Variants in ARHGAP15 observed in about 807,000 individuals in gnomAD.
The protein encoded by ARHGAP15 is rho GTPase-activating protein 15.
In ARHGAP15, 51 loss-of-function variants were observed where a neutral mutation model predicts 63.7. That is an observed-to-expected ratio of 0.80 (90% CI 0.64 to 1.01). The LOEUF (loss-of-function observed/expected upper bound fraction) is 1.01. ARHGAP15 is among the 50% of genes least tolerant of loss of function. ARHGAP15 has a pLI of 0.00. For synonymous variants in ARHGAP15, 191 were observed against 193.8 expected (o/e 0.99, Z 0.12); for missense variants, 560 against 564.6 (o/e 0.99, Z 0.08).
intron 1 of ARHGAP15, among the ~76,000 whole-genome samples, chr2:143,141,106 G>A (rs1387242029): frequency 6.6e-6 from 1 of 152,114 alleles, no homozygotes; most frequent in Non-Finnish European, 1.5e-5. Flanking sequence ...TGACCATGAT[G>A]AGCTGTATGG....
chr2:143,235,861 T>G, intron 5 of ARHGAP15: 6 of 1,436,044 alleles, frequency 4.2e-6, no homozygotes, highest in Non-Finnish European at 5.5e-6. Context: ...CTTTCCTATT[T>G]TAGTATCAGT....
intron 2 of ARHGAP15, among the ~76,000 whole-genome samples, chr2:143,188,978 G>A (rs1302093287): frequency 4.0e-5 from 6 of 150,520 alleles, no homozygotes; most frequent in Non-Finnish European, 8.9e-5. Flanking sequence ...CCTTCATTTT[G>A]CCTAAACACT....
intron 12 of ARHGAP15, among the ~76,000 whole-genome samples, chr2:143,628,011 A>G (rs1698905099): frequency 6.6e-6 from 1 of 151,664 alleles, no homozygotes; most frequent in Non-Finnish European, 1.5e-5. Context: ...CCCAGTGTCT[A>G]TTGTTGCCAT....
At chr2:143,582,598 A>G (rs1445903143) in intron 11 of ARHGAP15, among the ~76,000 whole-genome samples, 2 of 152,200 alleles carry the variant, frequency 1.3e-5, no homozygotes, top group Non-Finnish European at 2.9e-5. Context: ...CCGATGAGTG[A>G]GCCAAAGTGA....
At chr2:143,502,508 A>T (rs1035510022) in intron 9 of ARHGAP15, among the ~76,000 whole-genome samples, 11 of 152,226 alleles carry the variant, frequency 7.2e-5, no homozygotes, top group African/African-American at 2.4e-4. Context: ...TGTTCCTATA[A>T]TCAGTTATTA....
chr2:143,231,664 A>G (rs1294236554), intron 5 of ARHGAP15, among the ~76,000 whole-genome samples: 1 of 152,194 alleles, frequency 6.6e-6, no homozygotes, highest in Admixed American at 6.5e-5. Flanking sequence ...CTTCCAGTTC[A>G]TATCTGTCTT....
chr2:143,185,824 T>C (rs1469306304), intron 2 of ARHGAP15, among the ~76,000 whole-genome samples: 28 of 152,180 alleles, frequency 1.8e-4, no homozygotes, highest in Admixed American at 1.8e-3. Flanking sequence ...ATTTAAAAAT[T>C]TTCTAACCCC....
chr2:143,399,555 G>A (rs1277976157), intron 6 of ARHGAP15, among the ~76,000 whole-genome samples: 1 of 152,016 alleles, frequency 6.6e-6, no homozygotes, highest in Non-Finnish European at 1.5e-5. Context: ...GCCTTGTAAT[G>A]TATTTGTGGA....
In ARHGAP15 at chr2:143,742,861, G is replaced by A. The variant is rs377340867; in HGVS notation, c.1245-25128G>A. On this transcript the variant is annotated intron_variant, in intron 13 of 13. Transcript: ENST00000295095. Reference sequence around the variant, plus strand: ...ACAGAGCGAGTTCTCACACAGCAAAGCCATAACCACGACTGCTCATATTCT... The same window carrying A: ...ACAGAGCGAGTTCTCACACAGCAAAACCATAACCACGACTGCTCATATTCT... 4.6e-5 allele frequency among the ~76,000 whole-genome samples: 7 copies of A among 152,320 alleles called. No individual in the cohort carries two copies. The East Asian group carries it at 9.7e-4, about 21-fold the overall frequency.
chr2:143,540,665 G>T (rs543131464), intron 10 of ARHGAP15, among the ~76,000 whole-genome samples: 1 of 152,082 alleles, frequency 6.6e-6, no homozygotes, highest in Non-Finnish European at 1.5e-5. Flanking sequence ...TGAAATTCTG[G>T]GTTGAAAATT....
intron 12 of ARHGAP15, among the ~76,000 whole-genome samples, chr2:143,663,828 CATAATGGTAAA>C (rs1394328347): frequency 3.9e-5 from 6 of 152,126 alleles, no homozygotes; most frequent in African/African-American, 1.4e-4. Context: ...AAGGCCATTA[CATAATGGTAAA>C]GGGATCAATT....
At chr2:143,550,675 T>A (rs1012260483) in intron 10 of ARHGAP15, among the ~76,000 whole-genome samples, 7 of 152,190 alleles carry the variant, frequency 4.6e-5, no homozygotes, top group African/African-American at 1.7e-4. Context: ...CAGCACTTAA[T>A]CTGAGGAAAT....
chr2:143,164,876 C>T (rs530261291), intron 2 of ARHGAP15, among the ~76,000 whole-genome samples: 44 of 151,800 alleles, frequency 2.9e-4, no homozygotes, highest in African/African-American at 9.4e-4. Context: ...CTGACACAGA[C>T]GTGTTATCAG....
At chr2:143,397,428 C>A (rs1273305879) in intron 6 of ARHGAP15, among the ~76,000 whole-genome samples, 4 of 151,042 alleles carry the variant, frequency 2.6e-5, no homozygotes, top group Admixed American at 6.6e-5. Context: ...TTTGCATGAA[C>A]AATTTTTTAT....
intron 1 of ARHGAP15, among the ~76,000 whole-genome samples, chr2:143,140,381 A>G (rs562000580): frequency 6.6e-5 from 10 of 152,188 alleles, no homozygotes; most frequent in African/African-American, 2.4e-4. Context: ...ATTAATATTT[A>G]TCACATAAAA....
At chr2:143,546,475 G>A (rs569130693) in intron 10 of ARHGAP15, among the ~76,000 whole-genome samples, 8 of 152,074 alleles carry the variant, frequency 5.3e-5, no homozygotes, top group African/African-American at 1.7e-4. Context: ...AGTGTATGTA[G>A]GCACAGAGTA....
At chr2:143,495,888 G>C (rs1423592173) in intron 9 of ARHGAP15, among the ~76,000 whole-genome samples, 1 of 152,276 alleles carries the variant, frequency 6.6e-6, no homozygotes, top group African/African-American at 2.4e-5. Flanking sequence ...AATTATACTT[G>C]AATTTATATA....
At chr2:143,179,623 C>T (rs1691148405) in intron 2 of ARHGAP15, among the ~76,000 whole-genome samples, 1 of 152,182 alleles carries the variant, frequency 6.6e-6, no homozygotes, top group Non-Finnish European at 1.5e-5. Flanking sequence ...CGTGATGGCT[C>T]ATGTCTGTAA....
chr2:143,483,384 A>T (rs963321221), intron 8 of ARHGAP15, among the ~76,000 whole-genome samples: 1 of 152,226 alleles, frequency 6.6e-6, no homozygotes, highest in Non-Finnish European at 1.5e-5. Flanking sequence ...AATGGAAGAA[A>T]AAAAATATAC....
Sources: allele counts gnomAD v4.1 joint callset (sites outside exome capture counted in the v4.1 genomes callset), GRCh38; gene constraint gnomAD v4.1.1; transcripts MANE v1.5; gene names NCBI Gene and HGNC (gene_info 2026-07-23, HGNC 2026-07-21).